Variants in ORC4 observed in about 807,000 individuals in gnomAD.
ORC4 encodes origin recognition complex, subunit 4 homolog.
ORC4 carries 55 observed loss-of-function variants against 63.9 expected under a neutral mutation model. The observed-to-expected ratio is 0.86, with a 90% CI of 0.69 to 1.08. ORC4 has a LOEUF of 1.08. ORC4 is among the 50% of genes least tolerant of loss of function. The pLI is 0.00. For synonymous variants in ORC4, 150 were observed against 168.5 expected, an observed-to-expected ratio of 0.89 and a Z score of 0.85; for missense variants, 511 against 504.4, an observed-to-expected ratio of 1.01 and a Z score of -0.13.
At chr2:148,013,890 ATAAAG>A (rs1693115425) in intron 1 of ORC4, among the ~76,000 whole-genome samples, 1 of 152,260 alleles carries the variant, frequency 6.6e-6, no homozygotes, top group South Asian at 2.1e-4. Flanking sequence ...AATGAATGAA[ATAAAG>A]TAATGTGAAA....
intron 4 of ORC4, among the ~76,000 whole-genome samples, chr2:147,963,408 G>A (rs376570649): frequency 1.3e-5 from 2 of 152,160 alleles, no homozygotes; most frequent in Non-Finnish European, 2.9e-5. Context: ...AGCCTCACAG[G>A]ACGCCTCTAG....
chr2:147,968,980 A>T (rs2105339948), intron 4 of ORC4, among the ~76,000 whole-genome samples: 1 of 152,090 alleles, frequency 6.6e-6, no homozygotes, highest in South Asian at 2.1e-4. Context: ...TGTCATTCAC[A>T]GCAACATAGA....
At chr2:147,947,360 A>G in intron 9 of ORC4, among the ~76,000 whole-genome samples, 1 of 152,168 alleles carries the variant, frequency 6.6e-6, no homozygotes, top group South Asian at 2.1e-4. Flanking sequence ...AAATACACAC[A>G]CATATGCATA....
chr2:148,013,656 T>C (rs1693102257), intron 1 of ORC4, among the ~76,000 whole-genome samples: 1 of 152,198 alleles, frequency 6.6e-6, no homozygotes, highest in Non-Finnish European at 1.5e-5. Context: ...TCATTACACA[T>C]TGTATGCTTA....
chr2:147,999,217 T>G (rs957323503), intron 1 of ORC4, among the ~76,000 whole-genome samples: 1 of 152,180 alleles, frequency 6.6e-6, no homozygotes, highest in Non-Finnish European at 1.5e-5. Flanking sequence ...TCAGAGGCCA[T>G]GAGGCTTATT....
chr2:147,939,839 G>T (rs931718534), intron 10 of ORC4, among the ~76,000 whole-genome samples: 6 of 152,118 alleles, frequency 3.9e-5, no homozygotes, highest in Admixed American at 2.6e-4. Flanking sequence ...AGTATTTGAA[G>T]ATTTCCTTCC....
intron 11 of ORC4, 24 bp from the exon 12 acceptor site, chr2:147,938,417 T>TATCA: frequency 7.6e-7 from 1 of 1,311,258 alleles, no homozygotes; most frequent in Non-Finnish European, 1.1e-6. Context: ...GAAAAAAAAC[T>TATCA]ATCAGTTTAA....
chr2:147,943,213 A>C (rs555183623), intron 10 of ORC4, among the ~76,000 whole-genome samples: 2 of 152,218 alleles, frequency 1.3e-5, no homozygotes, highest in African/African-American at 4.8e-5. Context: ...CTACAGGTTT[A>C]ATCAATTCCC....
chr2:147,976,375 C>G (rs1181769803), intron 1 of ORC4, among the ~76,000 whole-genome samples: 1 of 152,170 alleles, frequency 6.6e-6, no homozygotes, highest in African/African-American at 2.4e-5. Context: ...CTACTGCACA[C>G]TTAGTAGACT....
chr2:147,951,705 C>T (rs1688969022), intron 8 of ORC4: 1 of 152,122 alleles, frequency 6.6e-6, no homozygotes, highest in South Asian at 2.1e-4. Context: ...TATAGCAACA[C>T]AAAATGGGCC....
intron 1 of ORC4, among the ~76,000 whole-genome samples, chr2:148,017,242 A>G (rs1474180412): frequency 6.6e-6 from 1 of 152,264 alleles, no homozygotes; most frequent in African/African-American, 2.4e-5. Flanking sequence ...TAATTTCAAC[A>G]TGTAATCATA....
At chr2:147,961,044 T>C (rs1689562213) in intron 4 of ORC4, among the ~76,000 whole-genome samples, 1 of 152,144 alleles carries the variant, frequency 6.6e-6, no homozygotes, top group Non-Finnish European at 1.5e-5. Flanking sequence ...TTTGGCCAAG[T>C]ATAGTGTTTT....
chr2:147,963,651 C>T (rs1379263494), intron 4 of ORC4, among the ~76,000 whole-genome samples: 3 of 152,152 alleles, frequency 2.0e-5, no homozygotes, highest in African/African-American at 7.2e-5. Flanking sequence ...TAAGCAACCA[C>T]ATGACTATGC....
intron 11 of ORC4, 22 bp from the exon 12 acceptor site, chr2:147,938,415 A>C (rs1455603260): frequency 6.0e-6 from 8 of 1,337,032 alleles, no homozygotes; most frequent in Middle Eastern, 2.5e-4. Context: ...GGGAAAAAAA[A>C]CTATCAGTTT....
intron 7 of ORC4, 55 bp downstream of exon 7, chr2:147,955,292 G>T: frequency 8.0e-7 from 1 of 1,247,958 alleles, no homozygotes; most frequent in Non-Finnish European, 1.2e-6. Context: ...TATAATCAGG[G>T]AAAAAATAAA....
chr2:147,939,170 TAC>T lies in ORC4; in HGVS notation c.926_927del (p.Cys309Ter), dbSNP rs765815189. 3.7e-6 allele frequency: 6 copies of T among 1,611,966 alleles called. No homozygotes were observed. The South Asian group carries it at 6.6e-5, about 18-fold the overall frequency. ...ACAATATTTGCTTTCGAGTCCATGC[TAC>T]ACAGTTGGCTTGCTTCCATTAGATC... ...AVDLMEASQL[C>X]SMDSKANIVH... On this transcript the variant is annotated frameshift_variant, in exon 11 of 14. Transcript: ENST00000392857. LOFTEE classifies it high-confidence loss of function.
At chr2:147,994,561 G>A (rs539139311) in intron 1 of ORC4, among the ~76,000 whole-genome samples, 2 of 152,238 alleles carry the variant, frequency 1.3e-5, no homozygotes, top group East Asian at 1.9e-4. Flanking sequence ...GGTCTTTTAC[G>A]AATAAGCAAA....
chr2:147,998,869 C>T (rs1692135517), intron 1 of ORC4, among the ~76,000 whole-genome samples: 1 of 151,840 alleles, frequency 6.6e-6, no homozygotes. Flanking sequence ...GGTAGCAACC[C>T]CAAAGCATGT....
At chr2:147,974,557 C>T (rs1038611191) in intron 2 of ORC4, among the ~76,000 whole-genome samples, 35 of 151,572 alleles carry the variant, frequency 2.3e-4, no homozygotes, top group African/African-American at 8.2e-4. Context: ...ATTGCTTGAA[C>T]CCAGGAGGCA....
Sources: gnomAD v4.1 joint callset for allele counts (sites outside exome capture counted in the v4.1 genomes callset) on GRCh38, gnomAD v4.1.1 for gene constraint, MANE v1.5 for transcripts, NCBI Gene and HGNC (gene_info 2026-07-23, HGNC 2026-07-21) for gene names.